Variants in DNAH11 observed in about 807,000 individuals in gnomAD.
DNAH11 encodes the protein dynein axonemal heavy chain 11.
A neutral mutation model predicts 526.0 loss-of-function variants in DNAH11; 442 were observed. The observed-to-expected ratio is 0.84, with a 90% CI of 0.78 to 0.91. DNAH11 has a LOEUF of 0.91. Among genes scored for constraint, DNAH11 ranks in the 40% least tolerant of loss-of-function variants. The pLI, the probability that DNAH11 is intolerant of heterozygous loss-of-function variation, is 0.00. For missense variants in DNAH11, 6,989 were observed against 5,448.7 expected, an observed-to-expected ratio of 1.28 and a Z score of -8.90; for synonymous variants, 2,461 against 1,935.9, an observed-to-expected ratio of 1.27 and a Z score of -7.12.
intron 45 of DNAH11, among the ~76,000 whole-genome samples, chr7:21,732,506 C>T (rs566859804): frequency 2.0e-5 from 3 of 152,318 alleles, no homozygotes; most frequent in African/African-American, 7.2e-5. Context: ...GGTATGACTT[C>T]ATCCTATCTC....
intron 2 of DNAH11, among the ~76,000 whole-genome samples, chr7:21,546,458 T>C (rs1401330190): frequency 6.6e-6 from 1 of 152,242 alleles, no homozygotes; most frequent in East Asian, 1.9e-4. Flanking sequence ...TCTAGACCAC[T>C]ATCAACTGGA....
chr7:21,543,680 G>A, intron 1 of DNAH11, 84 bp downstream of exon 1: 1 of 1,440,798 alleles, frequency 6.9e-7, no homozygotes, highest in Middle Eastern at 1.8e-4. Context: ...TTGGATTCCC[G>A]CGGGGCGCTC....
At chr7:21,694,236 G>A (rs936158611) in intron 35 of DNAH11, among the ~76,000 whole-genome samples, 1 of 152,000 alleles carries the variant, frequency 6.6e-6, no homozygotes, top group Admixed American at 6.6e-5. Context: ...GAATGTGCAG[G>A]TTTGTTACAT....
Position 21,832,829 on chromosome 7 carries a change from G to T in DNAH11, c.10692-9715G>T, listed in dbSNP as rs111410600. ...AGAAGAATATATGGCAGAGATGTAT[G>T]TGACGCACAAAGCCTAAAATATTTA... On this transcript the variant is annotated intron_variant, in intron 65 of 81. Transcript: ENST00000409508. 4.1e-3 allele frequency among the ~76,000 whole-genome samples: 624 copies of T among 152,322 alleles called. 4 individuals are homozygous for T. The highest frequency in any genetic ancestry group is 0.014 in the African/African-American group (599 of 41,578).
rs531475386 is a variant in DNAH11, at chr7:21,658,846, C to T, written c.5143C>T (p.Arg1715Cys). The change falls in exon 30 of 82, where the codon CGT becomes TGT. Residue 1715 changes from arginine (R) to cysteine (C), a missense_variant. By Grantham distance (180) the Arg-to-Cys change is radical. Coordinates refer to ENST00000409508, the MANE Select transcript of DNAH11 (RefSeq NM_001277115.2). ...TGAACAGACTATGCAAGAAACGGTG[C>T]GTCATTCTATAACAGAAGCCATAGT... ...QLEQTMQETV[R>C]HSITEAIVAY... 339 of 1,603,498 alleles carry T rather than the reference C, an allele frequency of 2.1e-4. No homozygotes were observed. Among genetic ancestry groups the T allele is most frequent in the Non-Finnish European group, 2.6e-4 (305 of 1,175,108 alleles).
chr7:21,818,894 A>G (rs1294797147), intron 65 of DNAH11, among the ~76,000 whole-genome samples: 1 of 151,840 alleles, frequency 6.6e-6, no homozygotes, highest in African/African-American at 2.4e-5. Context: ...ACTTCCCCCT[A>G]CCCCTCCAGG....
chr7:21,630,839 T>A (rs1228250671), intron 25 of DNAH11, among the ~76,000 whole-genome samples: 1 of 152,210 alleles, frequency 6.6e-6, no homozygotes, highest in Non-Finnish European at 1.5e-5. Context: ...CTCTGACCTT[T>A]TTGTACCTGG....
intron 22 of DNAH11, among the ~76,000 whole-genome samples, chr7:21,616,848 C>A (rs1396410065): frequency 6.6e-6 from 1 of 152,132 alleles, no homozygotes; most frequent in Non-Finnish European, 1.5e-5. Flanking sequence ...CCTCTGAAGA[C>A]AGAGCATCTT....
At chr7:21,706,368 T>A (rs1264103667) in intron 39 of DNAH11, among the ~76,000 whole-genome samples, 1 of 152,086 alleles carries the variant, frequency 6.6e-6, no homozygotes, top group African/African-American at 2.4e-5. Context: ...CTAAAAATAA[T>A]CAGATTGAGC....
intron 79 of DNAH11, among the ~76,000 whole-genome samples, chr7:21,896,460 T>C (rs1162043947): frequency 6.6e-6 from 1 of 152,228 alleles, no homozygotes; most frequent in Non-Finnish European, 1.5e-5. Flanking sequence ...TCTTAAATAT[T>C]TGCCATTCCT....
rs1160293844 is a variant in DNAH11, at chr7:21,854,414, G to A, written c.11161G>A (p.Asp3721Asn). ...ATCTCTTCTTTATTTTGTTATTAAT[G>A]ACCTCCAAAAAATCAACCCCCTCTA... ...RASLLYFVIN[D>N]LQKINPLYQF... Residue 3721 changes from aspartate to asparagine, a missense_variant, in exon 68 of 82, where the codon GAC (aspartate) becomes AAC (asparagine). By Grantham distance (23) the Asp-to-Asn change is conservative (BLOSUM62 1). Transcript: ENST00000409508. 1.9e-6 allele frequency: 3 copies of A among 1,613,696 alleles called. No homozygotes were observed. In the Admixed American group the frequency reaches 5.0e-5, roughly 27 times the overall value.
Position 21,647,988 on chromosome 7 carries a change from A to G in DNAH11, c.4945-7844A>G, listed in dbSNP as rs567171498. The stretch of plus-strand genomic sequence containing the variant: ...AAAAATTATGAACACTGAAATGTCA[A>G]CTGTATGGAACTAGAAAAAATTGGA... On this transcript the variant is annotated intron_variant, in intron 28 of 81. Coordinates refer to ENST00000409508, the MANE Select transcript of DNAH11 (RefSeq NM_001277115.2). Among the ~76,000 whole-genome samples, 21 of 152,306 alleles carry G rather than the reference A, an allele frequency of 1.4e-4. No homozygotes were observed. In the South Asian group the frequency reaches 4.3e-3, roughly 32 times the overall value.
chr7:21,579,838 G>A (rs1312126265), intron 8 of DNAH11, among the ~76,000 whole-genome samples: 1 of 152,144 alleles, frequency 6.6e-6, no homozygotes, highest in Admixed American at 6.5e-5. Context: ...AGGACTAGAG[G>A]CGAAGAGTAG....
At chr7:21,796,035 TGTG>T (rs1183192604) in intron 61 of DNAH11, among the ~76,000 whole-genome samples, 3 of 152,130 alleles carry the variant, frequency 2.0e-5, no homozygotes, top group African/African-American at 7.2e-5. Flanking sequence ...TGGGGTCTCT[TGTG>T]GTGAAAAGTG....
intron 30 of DNAH11, among the ~76,000 whole-genome samples, chr7:21,665,150 A>G (rs571035996): frequency 1.2e-3 from 169 of 145,298 alleles, no homozygotes; most frequent in Non-Finnish European, 2.0e-3. Flanking sequence ...CCTCTCTCTC[A>G]CTCCGCTATT....
At chr7:21,727,981 G>A (rs1481774446) in intron 45 of DNAH11, among the ~76,000 whole-genome samples, 1 of 152,240 alleles carries the variant, frequency 6.6e-6, no homozygotes, top group Admixed American at 6.5e-5. Context: ...CTCCCTGTGT[G>A]TCTAAATTTC....
chr7:21,623,636 TA>T (rs1269693079), intron 25 of DNAH11, among the ~76,000 whole-genome samples: 4 of 151,954 alleles, frequency 2.6e-5, no homozygotes, highest in African/African-American at 7.3e-5. Flanking sequence ...TATGCAGCCA[TA>T]AAAAATGATG....
chr7:21,895,005 C>T lies in DNAH11; in HGVS notation c.13049+6C>T. The stretch of plus-strand genomic sequence containing the variant: ...ACTTATGGCCTAGCCCAGTGGTAAG[C>T]TACCCCATCCTCACTGCCACTGGCC... On this transcript the variant is annotated splice_donor_region_variant and intron_variant, in intron 79 of 81. Transcript: ENST00000409508. 1 of 1,611,618 alleles carries T rather than the reference C, an allele frequency of 6.2e-7. No individual in the cohort carries two copies. Among genetic ancestry groups the T allele is most frequent in the Non-Finnish European group, 8.5e-7 (1 of 1,177,976 alleles).
At position 21,748,705 on chromosome 7, in the gene DNAH11, T is replaced by C. The variant is rs1385568496; in HGVS notation, c.8636T>C (p.Ile2879Thr). ...AYLRGLEVFQ[I>T]TLTEGYGIQE... Reference sequence around the variant, plus strand: ...CTTCGTGGCCTTGAGGTCTTTCAGATCACTCTGACCGAGGGCTATGGAATC... The same window carrying C: ...CTTCGTGGCCTTGAGGTCTTTCAGACCACTCTGACCGAGGGCTATGGAATC... Residue 2879 changes from isoleucine (I) to threonine (T), a missense_variant, in exon 52 of 82, where the codon ATC (isoleucine) becomes ACC (threonine). Physicochemically the swap from Ile to Thr is moderately conservative, Grantham distance 89. Transcript: ENST00000409508. The C allele has an allele frequency of 6.2e-7, 1 of 1,613,512 alleles. No individual in the cohort carries two copies. The highest frequency in any genetic ancestry group is 1.1e-5 in the South Asian group (1 of 91,022).
Sources: gnomAD v4.1 joint callset for allele counts (sites outside exome capture counted in the v4.1 genomes callset) on GRCh38, gnomAD v4.1.1 for gene constraint, MANE v1.5 for transcripts, NCBI Gene and HGNC (gene_info 2026-07-23, HGNC 2026-07-21) for gene names.